The following MYO16 variants were observed in gnomAD, a reference collection of about 807,000 sequenced individuals.
MYO16 encodes the protein unconventional myosin-XVI.
A neutral mutation model predicts 205.3 loss-of-function variants in MYO16; 94 were observed. The observed-to-expected ratio is 0.46, with a 90% CI of 0.39 to 0.54. The LOEUF (loss-of-function observed/expected upper bound fraction) is 0.54. Ranked by LOEUF, MYO16 falls within the 20% of genes least tolerant of loss-of-function variation. The pLI is 0.00. For synonymous variants in MYO16, 988 were observed against 954.0 expected, an observed-to-expected ratio of 1.04 and a Z score of -0.66; for missense variants, 2,315 against 2,387.5, an observed-to-expected ratio of 0.97 and a Z score of 0.63.
intron 20 of MYO16, among the ~76,000 whole-genome samples, chr13:108,972,830 C>T (rs760488406): frequency 1.3e-5 from 2 of 151,638 alleles, no homozygotes; most frequent in East Asian, 2.0e-4. Context: ...ATTTCCTAAA[C>T]GGTAGGGATT....
At chr13:108,570,561 T>A in the MYO16 span, among the ~76,000 whole-genome samples, 1 of 152,342 alleles carries the variant, frequency 6.6e-6, no homozygotes, top group South Asian at 2.1e-4. Flanking sequence ...ATTTCTTAAA[T>A]GTTTGTGATA....
At chr13:109,078,217 C>G (rs73618349) in intron 27 of MYO16, among the ~76,000 whole-genome samples, 2,357 of 150,104 alleles carry the variant, frequency 0.016, 33 homozygotes, top group South Asian at 0.033. Context: ...ATTGCCTGAG[C>G]TGAGTTTGAG....
chr13:108,576,154 A>G, the MYO16 span, among the ~76,000 whole-genome samples: 1 of 152,314 alleles, frequency 6.6e-6, no homozygotes, highest in South Asian at 2.1e-4. Flanking sequence ...AAGGACTTAC[A>G]CATATGAGAG....
chr13:108,566,715 G>GAGGA, the MYO16 span, among the ~76,000 whole-genome samples: 1 of 141,590 alleles, frequency 7.1e-6, no homozygotes, highest in East Asian at 2.1e-4. Flanking sequence ...GAAAGGAAAG[G>GAGGA]AGGAAGGAAG....
At chr13:108,735,098 T>A (rs543775489) in intron 4 of MYO16, among the ~76,000 whole-genome samples, 6 of 152,274 alleles carry the variant, frequency 3.9e-5, no homozygotes, top group African/African-American at 1.4e-4. Flanking sequence ...AGAGAAAGCA[T>A]CTTATAAGTT....
intron 16 of MYO16, among the ~76,000 whole-genome samples, chr13:108,927,389 G>T (rs887899080): frequency 6.6e-6 from 1 of 152,068 alleles, no homozygotes. Context: ...ACTTCCTGAT[G>T]CCTCTGGTAT....
At chr13:108,518,427 G>A in the MYO16 span, among the ~76,000 whole-genome samples, 1 of 152,152 alleles carries the variant, frequency 6.6e-6, no homozygotes, top group East Asian at 1.9e-4. Context: ...TGTCTAAGAT[G>A]TCCTGAGTTT....
chr13:108,665,096 A>T (rs1881666520), intron 1 of MYO16, among the ~76,000 whole-genome samples: 1 of 152,112 alleles, frequency 6.6e-6, no homozygotes, highest in South Asian at 2.1e-4. Context: ...TTGATAGCAC[A>T]TATATTCTCC....
intron 34 of MYO16, among the ~76,000 whole-genome samples, chr13:109,205,344 T>C (rs1164627110): frequency 6.6e-6 from 1 of 152,194 alleles, no homozygotes; most frequent in African/African-American, 2.4e-5. Context: ...CAGGTGTTGG[T>C]GTTAGAATTG....
intron 21 of MYO16, among the ~76,000 whole-genome samples, chr13:109,001,318 C>T (rs1885205654): frequency 1.3e-5 from 2 of 152,132 alleles, no homozygotes; most frequent in Non-Finnish European, 2.9e-5. Flanking sequence ...CAGTCCACTT[C>T]CTGGGTGCTG....
At chr13:108,501,368 T>C in the MYO16 span, among the ~76,000 whole-genome samples, 3 of 152,110 alleles carry the variant, frequency 2.0e-5, no homozygotes, top group Non-Finnish European at 2.9e-5. Context: ...TTATCGTATC[T>C]CTCCTCTGCC....
chr13:108,898,197 C>G (rs1193354276), intron 15 of MYO16, 64 bp downstream of exon 15: 4 of 1,255,026 alleles, frequency 3.2e-6, no homozygotes, highest in East Asian at 4.6e-5. Flanking sequence ...ACGTCACACA[C>G]AGGCACGCTA....
rs181189311 is a variant in MYO16, at chr13:108,938,654, C to T, written c.1926-19034C>T. 4.9e-4 allele frequency among the ~76,000 whole-genome samples: 74 copies of T among 152,336 alleles called. 1 individual carries two copies. Among genetic ancestry groups the T allele is most frequent in the Admixed American group, 2.0e-4 (3 of 15,302 alleles). On this transcript the variant is annotated intron_variant, in intron 16 of 34. Transcript: ENST00000457511. Reference sequence around the variant, plus strand: ...ATGGAGCAGAGAGGGACCCCCTGCACGAAGTTCTCTGAACAGGCATTCTCC... The same window carrying T: ...ATGGAGCAGAGAGGGACCCCCTGCATGAAGTTCTCTGAACAGGCATTCTCC...
At position 109,140,921 on chromosome 13, in the gene MYO16, G is replaced by T; in HGVS notation, c.4709G>T (p.Gly1570Val). Residue 1570 changes from glycine (G) to valine (V), a missense_variant, in exon 32 of 35, where the codon GGC becomes GTC. Transcript: ENST00000457511. The surrounding 1 kb of genome is among the most constrained non-coding windows in gnomAD (Gnocchi z 8.0). ...CCGCAGTACTCCAAGAGCCAGAAGG[G>T]CGACGGCGACAGGCCCGCGTCCCCC... ...LSPQYSKSQK[G>V]DGDRPASPGL... The T allele has an allele frequency of 6.4e-7, 1 of 1,569,798 alleles. No homozygotes were observed.
At chr13:108,978,877 G>C (rs571003066) in intron 20 of MYO16, among the ~76,000 whole-genome samples, 1 of 151,904 alleles carries the variant, frequency 6.6e-6, no homozygotes, top group African/African-American at 2.4e-5. Flanking sequence ...GTATATTATA[G>C]ATTCAGATTA....
At chr13:109,028,306 T>G (rs1044784455) in intron 23 of MYO16, 2 of 226,290 alleles carry the variant, frequency 8.8e-6, no homozygotes, top group African/African-American at 4.7e-5. Context: ...AAATATAGTA[T>G]TAAATACAGA....
chr13:109,017,104 G>C (rs1885854087), intron 22 of MYO16, among the ~76,000 whole-genome samples: 1 of 152,134 alleles, frequency 6.6e-6, no homozygotes, highest in Admixed American at 6.5e-5. Flanking sequence ...GGCTGGTACT[G>C]GTTCTTCCTT....
chr13:108,781,202 C>T (rs540713007), intron 4 of MYO16, among the ~76,000 whole-genome samples: 11 of 152,226 alleles, frequency 7.2e-5, no homozygotes, highest in South Asian at 2.1e-4. Context: ...AAGTGGAGTG[C>T]GGTAGATTTT....
At chr13:108,636,236 G>A (rs983375637) in intron 1 of MYO16, among the ~76,000 whole-genome samples, 1 of 151,830 alleles carries the variant, frequency 6.6e-6, no homozygotes, top group African/African-American at 2.4e-5. Context: ...ATATGATAAG[G>A]TAAATCTCTC....
Sources: allele counts gnomAD v4.1 joint callset (sites outside exome capture counted in the v4.1 genomes callset), GRCh38; gene constraint gnomAD v4.1.1; non-coding constraint Gnocchi (gnomAD v3.1); transcripts MANE v1.5; gene names NCBI Gene and HGNC (gene_info 2026-07-23, HGNC 2026-07-21).